Variants in B4GALNT2 observed in about 807,000 individuals in gnomAD.
B4GALNT2 encodes the protein N-acetylneuraminylgalactosylglucosyl-glucoside beta-1,4-N- acetylgalactosaminyltransferase 2.
In B4GALNT2, 42 loss-of-function variants were observed where a neutral mutation model predicts 51.1. The ratio of observed to expected loss-of-function variants is 0.82; its 90% CI spans 0.64 to 1.06. The LOEUF is 1.06. B4GALNT2 is among the 50% of genes least tolerant of loss of function. B4GALNT2 has a pLI of 0.00. For synonymous variants in B4GALNT2, 253 were observed against 251.7 expected, an observed-to-expected ratio of 1.01 and a Z score of -0.05; for missense variants, 602 against 633.6, an observed-to-expected ratio of 0.95 and a Z score of 0.54.
chr17:49,158,947 C>T, intron 5 of B4GALNT2, 90 bp from the exon 6 acceptor site: 2 of 1,445,398 alleles, frequency 1.4e-6, no homozygotes, highest in Non-Finnish European at 9.5e-7. Flanking sequence ...TGTGCTCTGC[C>T]CTGGCTCCTG....
At chr17:49,169,249 C>T (rs1191307009) in intron 10 of B4GALNT2, among the ~76,000 whole-genome samples, 1 of 152,158 alleles carries the variant, frequency 6.6e-6, no homozygotes, top group Admixed American at 6.5e-5. Context: ...CTCCATCAGC[C>T]CTGGAGTCCG....
chr17:49,163,569 A>T (rs2042882999), intron 7 of B4GALNT2, among the ~76,000 whole-genome samples: 1 of 152,116 alleles, frequency 6.6e-6, no homozygotes. Context: ...CAGCCTGGCC[A>T]ACATAGTGAA....
At chr17:49,147,176 C>A (rs1322135248) in intron 3 of B4GALNT2, among the ~76,000 whole-genome samples, 1 of 152,100 alleles carries the variant, frequency 6.6e-6, no homozygotes, top group Non-Finnish European at 1.5e-5. Context: ...TTGTCTGTAT[C>A]CTTGAAATTA....
At chr17:49,151,772 A>G (rs1293445246) in intron 3 of B4GALNT2, among the ~76,000 whole-genome samples, 4 of 152,088 alleles carry the variant, frequency 2.6e-5, no homozygotes, top group African/African-American at 9.7e-5. Flanking sequence ...CGTTATCAAC[A>G]ACCAAAAAAA....
intron 4 of B4GALNT2, among the ~76,000 whole-genome samples, chr17:49,154,305 G>A (rs1347477808): frequency 5.9e-5 from 9 of 152,066 alleles, no homozygotes; most frequent in Non-Finnish European, 1.3e-4. Flanking sequence ...CTGGCCGGGA[G>A]TGCATTGTGA....
At chr17:49,122,429 T>C in the B4GALNT2 span, among the ~76,000 whole-genome samples, 1 of 152,156 alleles carries the variant, frequency 6.6e-6, no homozygotes. Context: ...TCTGTAGATG[T>C]TTTTGGGTAG....
chr17:49,126,263 G>T, the B4GALNT2 span, among the ~76,000 whole-genome samples: 1 of 152,232 alleles, frequency 6.6e-6, no homozygotes, highest in African/African-American at 2.4e-5. Flanking sequence ...ATTAAGGGCG[G>T]TGCAAGATGT....
intron 3 of B4GALNT2, among the ~76,000 whole-genome samples, chr17:49,143,023 C>T (rs1237013850): frequency 2.0e-5 from 3 of 151,872 alleles, no homozygotes; most frequent in South Asian, 2.1e-4. Context: ...CTGAGGTGGG[C>T]GGATCACTTG....
upstream of B4GALNT2, among the ~76,000 whole-genome samples, chr17:49,129,648 G>C (rs976553649): frequency 2.0e-5 from 3 of 151,828 alleles, no homozygotes; most frequent in African/African-American, 4.8e-5. Context: ...CTGTCTTACA[G>C]ACTAGGAGTA....
rs558180961 is a variant in B4GALNT2 at position 49,164,120 on chromosome 17, A to C, written c.799A>C (p.Thr267Pro). 1 of 1,614,154 alleles carries C rather than the reference A, an allele frequency of 6.2e-7. No homozygotes were observed. ...GCTCAGAAACCTGGTTACCATTGCT[A>C]CCAAGACTTTCCTCCGCCCCCACAA... ...RKLRNLVTIATKTFLRPHKLM... is the reference protein window; with the variant it reads ...RKLRNLVTIAPKTFLRPHKLM... The change falls in exon 8 of 11, where the codon ACC (threonine) becomes CCC (proline). Residue 267 changes from threonine to proline, a missense_variant. By Grantham distance (38) the Thr-to-Pro change is conservative. Transcript: ENST00000393354.
chr17:49,168,745 G>C lies in B4GALNT2; in HGVS notation c.1160G>C (p.Gly387Ala), dbSNP rs749638537. The C allele has an allele frequency of 1.6e-5, 26 of 1,613,990 alleles. No individual in the cohort carries two copies. Among genetic ancestry groups the C allele is most frequent in the Non-Finnish European group, 2.1e-5 (25 of 1,180,040 alleles). Residue 387 changes from glycine to alanine, a missense_variant, in exon 10 of 11, where the codon GGG (glycine) becomes GCG (alanine). By Grantham distance (60) the Gly-to-Ala change is moderately conservative (BLOSUM62 0). Transcript: ENST00000393354. The stretch of plus-strand genomic sequence containing the variant: ...TTGTTGCTGGAACAGAGTGAGAATG[G>C]GGCCTGCCTTCACAAGAGGATGGGA... ...FKLLLEQSEN[G>A]ACLHKRMGFF...
intron 3 of B4GALNT2, 140 bp downstream of exon 3, chr17:49,142,312 G>A (rs1359173754): frequency 6.4e-6 from 7 of 1,094,908 alleles, no homozygotes; most frequent in Non-Finnish European, 8.9e-6. Context: ...TATTAGGAAT[G>A]AAACAAAGAA....
rs2042976642 is a variant in B4GALNT2, at chr17:49,174,608, A to G, written c.*4880A>G. On this transcript the variant is annotated 3_prime_UTR_variant, in exon 11 of 11. Coordinates refer to ENST00000393354, the MANE Select transcript of B4GALNT2 (RefSeq NM_001159387.2). ...CCATGTACCTGATTTTTTCTTAATTATAAAAACTGGAGAGTTCCAAGGGGA... is the reference window on the plus strand; with the variant it reads ...CCATGTACCTGATTTTTTCTTAATTGTAAAAACTGGAGAGTTCCAAGGGGA... The G allele has an allele frequency of 1.3e-5, 2 of 152,214 alleles. No homozygotes were observed. Among genetic ancestry groups the G allele is most frequent in the Admixed American group, 6.5e-5 (1 of 15,288 alleles). The allele number at this position is 152,214 out of a possible 1,614,324, so 9.4% of individuals were successfully genotyped here.
At chr17:49,147,506 C>G (rs1307508221) in intron 3 of B4GALNT2, among the ~76,000 whole-genome samples, 1 of 151,878 alleles carries the variant, frequency 6.6e-6, no homozygotes, top group Non-Finnish European at 1.5e-5. Flanking sequence ...TCCCAAATAG[C>G]TGGGACTACA....
chr17:49,142,697 A>G (rs1220132571), intron 3 of B4GALNT2, among the ~76,000 whole-genome samples: 3 of 144,618 alleles, frequency 2.1e-5, no homozygotes, highest in African/African-American at 7.8e-5. Context: ...GTCTCCAACA[A>G]AAGCAAAAAC....
chr17:49,142,289 C>A (rs1370981639), intron 3 of B4GALNT2, 117 bp downstream of exon 3: 2 of 1,288,290 alleles, frequency 1.6e-6, no homozygotes, highest in African/African-American at 1.5e-5. Context: ...TTGCAAGGGT[C>A]CCTGGGAGGA....
chr17:49,152,744 C>T (rs1408492983), intron 3 of B4GALNT2, 56 bp from the exon 4 acceptor site: 6 of 1,297,880 alleles, frequency 4.6e-6, no homozygotes, highest in African/African-American at 1.5e-5. Context: ...ACTTTGAGAA[C>T]GAACCAGGGA....
At chr17:49,165,033 C>G (rs538885592) in intron 8 of B4GALNT2, among the ~76,000 whole-genome samples, 1 of 152,008 alleles carries the variant, frequency 6.6e-6, no homozygotes, top group Non-Finnish European at 1.5e-5. Context: ...AGGTTGGTCT[C>G]GAACTCCTGG....
chr17:49,141,890 C>A, intron 2 of B4GALNT2, 145 bp from the exon 3 acceptor site: 2 of 1,031,576 alleles, frequency 1.9e-6, no homozygotes, highest in Non-Finnish European at 2.9e-6. Context: ...GTGCAGGGGA[C>A]TCCAGGGTCT....
Sources: allele counts gnomAD v4.1 joint callset (sites outside exome capture counted in the v4.1 genomes callset), GRCh38; gene constraint gnomAD v4.1.1; transcripts MANE v1.5; gene names NCBI Gene and HGNC (gene_info 2026-07-23, HGNC 2026-07-21).